LCA5L: variants seen among roughly 807,000 people sequenced by gnomAD.
The protein encoded by LCA5L is lebercilin-like protein.
Under a neutral mutation model 45.4 loss-of-function variants are expected in LCA5L, and 35 were observed. That is an observed-to-expected ratio of 0.77 (90% CI 0.59 to 1.02). The LOEUF (loss-of-function observed/expected upper bound fraction) is 1.02. Ranked by LOEUF, LCA5L falls within the 50% of genes least tolerant of loss-of-function variation. LCA5L has a pLI of 0.00. For synonymous variants in LCA5L, 233 were observed against 264.7 expected (o/e 0.88, Z 1.16); for missense variants, 668 against 761.6 (o/e 0.88, Z 1.45).
At chr21:39,411,886 T>A in intron 7 of LCA5L, 84 bp from the exon 8 acceptor site, 1 of 719,586 alleles carries the variant, frequency 1.4e-6, no homozygotes, top group Admixed American at 2.5e-5. Flanking sequence ...TTAAATGAGC[T>A]CAGTATCCTA....
intron 2 of LCA5L, among the ~76,000 whole-genome samples, chr21:39,436,414 T>C (rs2076290392): frequency 6.6e-6 from 1 of 152,228 alleles, no homozygotes; most frequent in African/African-American, 2.4e-5. Flanking sequence ...TATAATTAAT[T>C]CATAAGGATA....
chr21:39,413,970 G>GACGGTCCTCCTTGCGGCTTGGAGC (rs367815104), intron 7 of LCA5L: 11 of 152,396 alleles, frequency 7.2e-5, no homozygotes, highest in African/African-American at 2.7e-4. Context: ...CAACCTGGAG[G>GACGGTCCTCCTTGCGGCTTGGAGC]ACGGTCCTCC....
chr21:39,412,912 G>A (rs989797092), intron 7 of LCA5L, among the ~76,000 whole-genome samples: 2 of 152,204 alleles, frequency 1.3e-5, no homozygotes, highest in African/African-American at 4.8e-5. Flanking sequence ...CAACCAGTGG[G>A]ACCTGTGGAG....
At position 39,409,869 on chromosome 21, in the gene LCA5L, C is replaced by T. The variant is rs1421603373; in HGVS notation, c.1282+110G>A. ...TTGGCCTCCCAAAGTGCTGGGATTA[C>T]AGGTGCGAGCTGCCATGCCCAGCTG... On this transcript the variant is annotated intron_variant, in intron 10 of 10. Transcript: ENST00000288350. This position sits in a 1 kb window ranked among gnomAD's most constrained non-coding sequence, Gnocchi z 4.2. 9 of 640,968 alleles carry T rather than the reference C, an allele frequency of 1.4e-5. No homozygotes were observed. Among genetic ancestry groups the T allele is most frequent in the Non-Finnish European group, 2.4e-5 (9 of 376,282 alleles). The allele number at this position is 640,968 out of a possible 1,614,324, so 39.7% of individuals were successfully genotyped here. A position where few individuals can be genotyped will look rare whatever the true frequency, so the allele number is the denominator to read the frequency against.
intron 7 of LCA5L, among the ~76,000 whole-genome samples, chr21:39,418,543 C>T (rs909821250): frequency 2.0e-5 from 3 of 151,914 alleles, no homozygotes; most frequent in Non-Finnish European, 2.9e-5. Context: ...CTCTGTCACC[C>T]AGGGTGGAGT....
At chr21:39,435,853 G>T (rs1370666933) in intron 2 of LCA5L, among the ~76,000 whole-genome samples, 1 of 152,098 alleles carries the variant, frequency 6.6e-6, no homozygotes, top group Non-Finnish European at 1.5e-5. Context: ...GGCCAGGCTG[G>T]TCTCAAACTC....
chr21:39,436,192 A>G (rs2076271232), intron 2 of LCA5L: 1 of 152,222 alleles, frequency 6.6e-6, no homozygotes, highest in South Asian at 2.1e-4. Flanking sequence ...AATAACAAAA[A>G]GACGACCCTC....
At chr21:39,432,466 C>G (rs2075834611) in intron 3 of LCA5L, among the ~76,000 whole-genome samples, 1 of 152,178 alleles carries the variant, frequency 6.6e-6, no homozygotes, top group Non-Finnish European at 1.5e-5. Context: ...ATATTTAACA[C>G]AACTGATTCC....
intron 1 of LCA5L, chr21:39,444,812 A>C (rs2077269111): frequency 6.6e-6 from 1 of 152,322 alleles, no homozygotes; most frequent in Non-Finnish European, 1.5e-5. Context: ...GGAGGATGGA[A>C]TTTCCAGCAA....
intron 2 of LCA5L, among the ~76,000 whole-genome samples, chr21:39,442,119 G>T (rs114963933): frequency 1.1e-3 from 171 of 152,328 alleles, no homozygotes; most frequent in African/African-American, 4.0e-3. Context: ...AGCGATCAGG[G>T]AAGTTATCCC....
rs773465740 is a variant in LCA5L at position 39,423,186 on chromosome 21, A to T, written c.627T>A (p.Asn209Lys). ...IMAKHQNEVK[N>K]LRQLLRKSQE... ...GGGATTTCCTAAGTAGTTGCCTTAA[A>T]TTTTTTACTTCATTCTGATGTTTAG... The change falls in exon 6 of 11, where the codon AAT (asparagine) becomes AAA (lysine). Residue 209 changes from asparagine (N) to lysine (K), a missense_variant. Asn to Lys is a moderately conservative substitution (Grantham distance 94). Transcript: ENST00000288350. 9.9e-6 allele frequency: 16 copies of T among 1,613,032 alleles called. No homozygotes were observed. Among genetic ancestry groups the T allele is most frequent in the African/African-American group, 1.3e-5 (1 of 74,852 alleles).
At chr21:39,425,040 T>C (rs994962396) in intron 5 of LCA5L, among the ~76,000 whole-genome samples, 1 of 152,250 alleles carries the variant, frequency 6.6e-6, no homozygotes, top group African/African-American at 2.4e-5. Context: ...TTGTAGGATA[T>C]AGAGGTATAT....
Position 39,428,166 on chromosome 21 carries a change from C to A in LCA5L, c.322+6G>T. 1 of 1,535,898 alleles carries A rather than the reference C, an allele frequency of 6.5e-7. No homozygotes were observed. On this transcript the variant is annotated splice_donor_region_variant and intron_variant, in intron 5 of 10. Transcript: ENST00000288350. The stretch of plus-strand genomic sequence containing the variant: ...TTGGTCTTGCTTGGGAAATTTTACT[C>A]CTTACCTTTAGATTGGGAGATTTTA...
intron 7 of LCA5L, among the ~76,000 whole-genome samples, chr21:39,412,772 G>T (rs1419008791): frequency 6.6e-6 from 1 of 152,192 alleles, no homozygotes; most frequent in African/African-American, 2.4e-5. Flanking sequence ...AAAATTGCAA[G>T]CCCCTTAAAA....
At chr21:39,431,129 A>G (rs2075670013) in intron 3 of LCA5L, among the ~76,000 whole-genome samples, 1 of 152,168 alleles carries the variant, frequency 6.6e-6, no homozygotes, top group Admixed American at 6.5e-5. Flanking sequence ...AATGTCCCCT[A>G]ATGAGGCTTT....
intron 3 of LCA5L, among the ~76,000 whole-genome samples, chr21:39,431,055 G>A (rs1404417770): frequency 6.6e-6 from 1 of 152,090 alleles, no homozygotes; most frequent in Non-Finnish European, 1.5e-5. Flanking sequence ...AAATCCTGTA[G>A]AGCCACATAA....
chr21:39,411,751 T>A lies in LCA5L; in HGVS notation c.1027A>T (p.Lys343Ter). The stretch of plus-strand genomic sequence containing the variant: ...TAGTCCTCTGTGTCATGTAAATTTT[T>A]AAGTATTCGATGACTATAGATGTTT... ...IKNIYSHRIL[K>*]NLHDTEDYPK... The change falls in exon 8 of 11, where the codon AAA (lysine) becomes TAA (stop). Residue 343 changes from lysine (K) to a stop codon, truncating the protein, a stop_gained. Coordinates refer to ENST00000288350, the MANE Select transcript of LCA5L (RefSeq NM_152505.4). LOFTEE classifies it high-confidence loss of function. 1.9e-6 allele frequency: 3 copies of A among 1,587,436 alleles called. No individual in the cohort carries two copies. Among genetic ancestry groups the A allele is most frequent in the Non-Finnish European group, 2.6e-6 (3 of 1,161,202 alleles).
At position 39,420,709 on chromosome 21, in the gene LCA5L, A is replaced by C; in HGVS notation, c.972T>G (p.Leu324=). ...QVEVKHLQQK[L]KEKDRELEIK... ...CATTTTGTTTTAAAAGAAATACCTTAAGTTTTTGTTGAAGGTGTTTTACTT... is the reference window on the plus strand; with the variant it reads ...CATTTTGTTTTAAAAGAAATACCTTCAGTTTTTGTTGAAGGTGTTTTACTT... Residue 324 remains leucine, a synonymous_variant, in exon 7 of 11, where the codon CTT becomes CTG. Transcript: ENST00000288350. The C allele has an allele frequency of 6.2e-7, 1 of 1,609,332 alleles. No homozygotes were observed. Among genetic ancestry groups the C allele is most frequent in the Non-Finnish European group, 8.5e-7 (1 of 1,176,610 alleles).
chr21:39,411,964 C>T (rs1306910794), intron 7 of LCA5L, among the ~76,000 whole-genome samples, 162 bp from the exon 8 acceptor site: 4 of 152,150 alleles, frequency 2.6e-5, no homozygotes, highest in African/African-American at 4.8e-5. Context: ...TTCCTGACAT[C>T]GAAAAGTACT....
Sources: allele counts gnomAD v4.1 joint callset (sites outside exome capture counted in the v4.1 genomes callset), GRCh38; gene constraint gnomAD v4.1.1; non-coding constraint Gnocchi (gnomAD v3.1); transcripts MANE v1.5; gene names NCBI Gene and HGNC (gene_info 2026-07-23, HGNC 2026-07-21).